The following CREB3L3 variants were observed in gnomAD, a reference collection of about 807,000 sequenced individuals.
The protein encoded by CREB3L3 is cyclic AMP-responsive element-binding protein 3-like protein 3.
In CREB3L3, 40 loss-of-function variants were observed where a neutral mutation model predicts 44.6. That is an observed-to-expected ratio of 0.90 (90% CI 0.70 to 1.17). The LOEUF is 1.17. Ranked by LOEUF, CREB3L3 falls within the 50% of genes most tolerant of loss-of-function variation. The probability of loss-of-function intolerance (pLI) is 0.00; values close to 1 mark genes in which losing one functional copy is unlikely to be tolerated. For missense variants in CREB3L3, 578 were observed against 595.8 expected, an observed-to-expected ratio of 0.97 and a Z score of 0.31; for synonymous variants, 273 against 256.3, an observed-to-expected ratio of 1.06 and a Z score of -0.62.
rs1398685344 is a variant in CREB3L3, at chr19:4,168,377, C to T, written c.741C>T (p.Ile247=). 6 of 1,611,034 alleles carry T rather than the reference C, an allele frequency of 3.7e-6. No individual in the cohort carries two copies. The highest frequency in any genetic ancestry group is 5.1e-6 in the Non-Finnish European group (6 of 1,178,242). The change falls in exon 6 of 10, where the codon ATC becomes ATT. Residue 247 remains isoleucine (I), a synonymous_variant. Coordinates refer to ENST00000078445, the MANE Select transcript of CREB3L3 (RefSeq NM_032607.3). ...ACGAGGAGCGAGTGCTGAAAAAAAT[C>T]CGCCGGAAAATCCGGAACAAGCAGT... is the stretch of plus-strand genomic sequence containing the variant. The part of the protein sequence containing the change: ...TKYEERVLKK[I]RRKIRNKQSA...
intron 2 of CREB3L3, among the ~76,000 whole-genome samples, chr19:4,155,637 T>C (rs951480460): frequency 6.6e-6 from 1 of 151,924 alleles, no homozygotes; most frequent in African/African-American, 2.4e-5. Flanking sequence ...ATTACAGGCG[T>C]GTGCCACCGC....
In CREB3L3 at chr19:4,166,255, A is replaced by AT. The variant is rs1285989757; in HGVS notation, c.714+1628dup. On this transcript the variant is annotated intron_variant, in intron 5 of 9. Transcript: ENST00000078445. ...AGGTGTATGCCATTATGCCTAGCTA[A>AT]TTTTTTTTTTTTTCCTGAGACGGAG... Among the ~76,000 whole-genome samples, 229 of 139,270 alleles carry AT rather than the reference A, an allele frequency of 1.6e-3. 2 individuals are homozygous for AT. Among genetic ancestry groups the AT allele is most frequent in the Middle Eastern group, 3.7e-3 (1 of 270 alleles). The allele number at this position is 139,270 out of a possible 152,430, so 91.4% of individuals were successfully genotyped here. A position where few individuals can be genotyped will look rare whatever the true frequency, so the allele number is the denominator to read the frequency against.
At chr19:4,153,970 C>T (rs975025322) in intron 1 of CREB3L3, among the ~76,000 whole-genome samples, 196 bp downstream of exon 1, 1 of 152,164 alleles carries the variant, frequency 6.6e-6, no homozygotes. Context: ...GGTCCCCCTG[C>T]CTCCTAGGAG....
At chr19:4,161,584 C>A (rs955745571) in intron 4 of CREB3L3, among the ~76,000 whole-genome samples, 5 of 151,946 alleles carry the variant, frequency 3.3e-5, no homozygotes, top group African/African-American at 1.2e-4. Flanking sequence ...GGGCTTCACG[C>A]TCCCATAAGC....
rs138262603 is a variant in CREB3L3 at position 4,172,149 on chromosome 19, C to T, written c.*180C>T. ...GCCTGACTGAGGCCCACGCAGGAAC[C>T]GACACTCAGACACAAGGCAAAGAGG... On this transcript the variant is annotated 3_prime_UTR_variant, in exon 10 of 10. Transcript: ENST00000078445. 4.0e-5 allele frequency: 27 copies of T among 671,564 alleles called. No homozygotes were observed. In the South Asian group the frequency reaches 4.3e-4, roughly 11 times the overall value. 41.6% of individuals were successfully genotyped at this position (671,564 alleles called of 1,614,324 possible). A position where few individuals can be genotyped will look rare whatever the true frequency, so the allele number is the denominator to read the frequency against.
At position 4,167,583 on chromosome 19, in the gene CREB3L3, A is replaced by G. The variant is rs148126041; in HGVS notation, c.715-768A>G. Among the ~76,000 whole-genome samples, 179 of 152,070 alleles carry G rather than the reference A, an allele frequency of 1.2e-3. 3 individuals carry two copies. The East Asian group carries it at 0.023, about 20-fold the overall frequency. ...GAGGGGAAAAGAAAGGAAAGAAAAG[A>G]AAGAAACGTAAGAAAGAAGAAAAAA... On this transcript the variant is annotated intron_variant, in intron 5 of 9. Coordinates refer to ENST00000078445, the MANE Select transcript of CREB3L3 (RefSeq NM_032607.3).
At chr19:4,169,073 C>G (rs1442237833) in intron 6 of CREB3L3, among the ~76,000 whole-genome samples, 3 of 152,012 alleles carry the variant, frequency 2.0e-5, no homozygotes, top group Non-Finnish European at 4.4e-5. Flanking sequence ...AGCTCCTGAT[C>G]ATCTTTATCC....
At chr19:4,156,413 C>T (rs2041577744) in intron 2 of CREB3L3, among the ~76,000 whole-genome samples, 1 of 151,796 alleles carries the variant, frequency 6.6e-6, no homozygotes, top group African/African-American at 2.4e-5. Flanking sequence ...TCTCAAACTC[C>T]CGACCTCAGG....
intron 1 of CREB3L3, 143 bp from the exon 2 acceptor site, chr19:4,154,756 C>CT: frequency 1.7e-6 from 2 of 1,189,810 alleles, no homozygotes; most frequent in Non-Finnish European, 2.4e-6. Context: ...GAAAGGGAGT[C>CT]TCAGCGAGGG....
chr19:4,159,361 G>A (rs1403050903), intron 3 of CREB3L3, among the ~76,000 whole-genome samples: 2 of 127,720 alleles, frequency 1.6e-5, no homozygotes, highest in Non-Finnish European at 3.6e-5. Context: ...ATGTTGGCCA[G>A]GCTGGTCTTG....
At chr19:4,157,794 AC>A (rs1434730999) in intron 3 of CREB3L3, among the ~76,000 whole-genome samples, 1 of 151,704 alleles carries the variant, frequency 6.6e-6, no homozygotes, top group Non-Finnish European at 1.5e-5. Flanking sequence ...CAAGCAATTC[AC>A]CTGCCTCAGC....
At position 4,156,428 on chromosome 19, in the gene CREB3L3, C is replaced by A. The variant is rs191294119; in HGVS notation, c.157-567C>A. Among the ~76,000 whole-genome samples, 1,351 of 151,636 alleles carry A rather than the reference C, an allele frequency of 8.9e-3. 3 individuals are homozygous for A. The highest frequency in any genetic ancestry group is 0.014 in the Non-Finnish European group (975 of 67,890). On this transcript the variant is annotated intron_variant, in intron 2 of 9. Coordinates refer to ENST00000078445, the MANE Select transcript of CREB3L3 (RefSeq NM_032607.3). ...TCTCAAACTCCCGACCTCAGGTGAT[C>A]TGCCCGCCTTGGCCTCCCAAAGTGC...
chr19:4,170,994 A>T, intron 7 of CREB3L3, 97 bp from the exon 8 acceptor site: 2 of 825,206 alleles, frequency 2.4e-6, no homozygotes. Flanking sequence ...GAATGGATGG[A>T]ATTTGGACTT....
At chr19:4,169,584 C>CTTTTTTTTTTTTT (rs34259250) in intron 6 of CREB3L3, among the ~76,000 whole-genome samples, 1 of 95,140 alleles carries the variant, frequency 1.1e-5, no homozygotes, top group Non-Finnish European at 2.0e-5. Flanking sequence ...GGAGGCTCAG[C>CTTTTTTTTTTTTT]TTTTTTTTTT....
At chr19:4,160,538 A>G (rs1007971653) in intron 4 of CREB3L3, among the ~76,000 whole-genome samples, 2 of 147,770 alleles carry the variant, frequency 1.4e-5, no homozygotes, top group Admixed American at 6.8e-5. Context: ...CACCCAGCTA[A>G]TTTTTCTTGT....
At chr19:4,159,934 C>A in intron 4 of CREB3L3, 152 bp downstream of exon 4, 1 of 645,246 alleles carries the variant, frequency 1.5e-6, no homozygotes, top group Non-Finnish European at 2.8e-6. Context: ...CAGTCCTGGG[C>A]TCACTGTCGC....
In CREB3L3 at chr19:4,171,252, C is replaced by A; in HGVS notation, c.975+77C>A. The A allele has an allele frequency of 6.8e-7, 1 of 1,472,932 alleles. No individual in the cohort carries two copies. Among genetic ancestry groups the A allele is most frequent in the Non-Finnish European group, 9.5e-7 (1 of 1,053,478 alleles). 91.2% of individuals were successfully genotyped at this position (1,472,932 alleles called of 1,614,324 possible). ...GCCCATAGGGAGGTGACAATGAGTCCAAGCTCTCCTTGTGCCCCAGCTCAA... is the reference window on the plus strand; with the variant it reads ...GCCCATAGGGAGGTGACAATGAGTCAAAGCTCTCCTTGTGCCCCAGCTCAA... On this transcript the variant is annotated intron_variant, in intron 8 of 9. Coordinates refer to ENST00000078445, the MANE Select transcript of CREB3L3 (RefSeq NM_032607.3). This position sits in a 1 kb window ranked among gnomAD's most constrained non-coding sequence, Gnocchi z 4.9.
chr19:4,163,355 G>A lies in CREB3L3; in HGVS notation c.577-1148G>A, dbSNP rs148393939. ...AAGAAAGAAAGAAAGAAAGAAAGAA[G>A]GAAGGAAGGAAGGAAGGAAAGAAAG... On this transcript the variant is annotated intron_variant, in intron 4 of 9. Coordinates refer to ENST00000078445, the MANE Select transcript of CREB3L3 (RefSeq NM_032607.3). 1.5e-3 allele frequency among the ~76,000 whole-genome samples: 152 copies of A among 103,652 alleles called. No individual in the cohort carries two copies. In the Middle Eastern group the frequency reaches 0.021, roughly 14 times the overall value. The allele number at this position is 103,652 out of a possible 152,430, so 68.0% of individuals were successfully genotyped here.
intron 2 of CREB3L3, among the ~76,000 whole-genome samples, chr19:4,156,033 G>A (rs943128363): frequency 2.6e-5 from 4 of 151,694 alleles, no homozygotes; most frequent in East Asian, 3.9e-4. Context: ...ATAGGCGTGA[G>A]CCACCACACC....
Sources: gnomAD v4.1 joint callset for allele counts (sites outside exome capture counted in the v4.1 genomes callset) on GRCh38, gnomAD v4.1.1 for gene constraint, Gnocchi (gnomAD v3.1) non-coding constraint, MANE v1.5 for transcripts, NCBI Gene and HGNC (gene_info 2026-07-23, HGNC 2026-07-21) for gene names.